Variants in G3BP2 observed in about 807,000 individuals in gnomAD.
G3BP2 encodes G3BP stress granule assembly factor 2, also known as ras GTPase-activating protein-binding protein 2.
Under a neutral mutation model 56.7 loss-of-function variants are expected in G3BP2, and 11 were observed. The observed-to-expected ratio is 0.19, with a 90% CI of 0.12 to 0.32. The LOEUF (loss-of-function observed/expected upper bound fraction) is 0.32. Ranked by LOEUF, G3BP2 falls within the 10% of genes least tolerant of loss-of-function variation. The pLI, the probability that G3BP2 is intolerant of heterozygous loss-of-function variation, is 1.00. For synonymous variants in G3BP2, 165 were observed against 191.6 expected, an observed-to-expected ratio of 0.86 and a Z score of 1.15; for missense variants, 340 against 610.9, an observed-to-expected ratio of 0.56 and a Z score of 4.67.
In G3BP2 at chr4:75,657,747, G is replaced by A; in HGVS notation, c.178-17C>T. The A allele has an allele frequency of 2.6e-6, 4 of 1,544,558 alleles. No individual in the cohort carries two copies. The highest frequency in any genetic ancestry group is 3.6e-6 in the Non-Finnish European group (4 of 1,122,504). On this transcript the variant is annotated splice_polypyrimidine_tract_variant and intron_variant, in intron 3 of 11. Transcript: ENST00000359707. ...GTGTATATCCTTTATTAGGGAGGGAGGGAAAAATATAAACTCTGTGATACT... is the reference window on the plus strand; with the variant it reads ...GTGTATATCCTTTATTAGGGAGGGAAGGAAAAATATAAACTCTGTGATACT...
intron 6 of G3BP2, 118 bp from the exon 7 acceptor site, chr4:75,655,364 A>G: frequency 1.4e-6 from 1 of 732,530 alleles, no homozygotes; most frequent in South Asian, 1.7e-5. Context: ...TAGATCTACA[A>G]AGTATTCAAA....
chr4:75,660,230 G>A (rs763456254), intron 2 of G3BP2, among the ~76,000 whole-genome samples: 18 of 152,092 alleles, frequency 1.2e-4, no homozygotes, highest in Non-Finnish European at 2.2e-4. Flanking sequence ...CCAAATTTCA[G>A]ATATCAAAAG....
At chr4:75,715,977 A>G (rs565352662) in intron 3 of G3BP2, among the ~76,000 whole-genome samples, 459 of 152,256 alleles carry the variant, frequency 3.0e-3, no homozygotes, top group Non-Finnish European at 5.0e-3. Flanking sequence ...TGCTGCAATA[A>G]CCTATACAGA....
chr4:75,645,972 G>A (rs901940338), intron 11 of G3BP2, among the ~76,000 whole-genome samples: 10 of 151,924 alleles, frequency 6.6e-5, no homozygotes, highest in African/African-American at 1.7e-4. Context: ...CACCATGGCC[G>A]GCTATTTTTC....
chr4:75,694,464 C>T (rs1560416615), intron 3 of G3BP2, among the ~76,000 whole-genome samples: 1 of 152,186 alleles, frequency 6.6e-6, no homozygotes, highest in Non-Finnish European at 1.5e-5. Context: ...ATTAGCCGGG[C>T]GTGGTGGCGG....
At chr4:75,719,309 C>T (rs1373271168) in intron 3 of G3BP2, among the ~76,000 whole-genome samples, 1 of 139,636 alleles carries the variant, frequency 7.2e-6, no homozygotes, top group Admixed American at 7.4e-5. Context: ...GATCCCGCCA[C>T]TGCACTCCAG....
Position 75,709,419 on chromosome 4 carries a change from CAA to C in G3BP2, c.-25+11456_-25+11457del, listed in dbSNP as rs34603185. On this transcript the variant is annotated intron_variant, in intron 3 of 3. Transcript: ENST00000499709. Reference sequence around the variant, plus strand: ...TGGGCAACAGGGTGAGACTCCGTCTCAAAAAAAAAAAAAAAAAAAAAAACCTA... The same window carrying C: ...TGGGCAACAGGGTGAGACTCCGTCTCAAAAAAAAAAAAAAAAAAAAACCTA... Among the ~76,000 whole-genome samples, 14 of 47,400 alleles carry C rather than the reference CAA, an allele frequency of 3.0e-4. 1 individual carries two copies. Among genetic ancestry groups the C allele is most frequent in the African/African-American group, 1.2e-3 (14 of 11,508 alleles). 31.1% of individuals were successfully genotyped at this position (47,400 alleles called of 152,430 possible). A position where few individuals can be genotyped will look rare whatever the true frequency, so the allele number is the denominator to read the frequency against.
upstream of G3BP2, among the ~76,000 whole-genome samples, chr4:75,675,486 C>A (rs1339710567): frequency 6.6e-6 from 1 of 152,180 alleles, no homozygotes; most frequent in Non-Finnish European, 1.5e-5. Flanking sequence ...GCTCTAGGAG[C>A]CACACTTTAA....
chr4:75,650,244 G>T (rs1385436761), intron 8 of G3BP2, among the ~76,000 whole-genome samples: 3 of 151,686 alleles, frequency 2.0e-5, no homozygotes, highest in African/African-American at 7.3e-5. Context: ...AGACCAGCCT[G>T]ACTAACATGG....
upstream of G3BP2, chr4:75,673,416 G>A (rs944592223): frequency 1.6e-6 from 2 of 1,232,062 alleles, no homozygotes; most frequent in African/African-American, 1.6e-5. Flanking sequence ...CGGACGTCCC[G>A]CCCCCTTTGC....
Position 75,657,769 on chromosome 4 carries a change from T to C in G3BP2, c.178-39A>G, listed in dbSNP as rs774066453. On this transcript the variant is annotated intron_variant, in intron 3 of 11. Transcript: ENST00000359707. ...GGAGGGAAAAATATAAACTCTGTGA[T>C]ACTGCATTACCTACACAATAATATT... The C allele has an allele frequency of 8.8e-6, 11 of 1,243,070 alleles. No homozygotes were observed. The Middle Eastern group carries it at 9.6e-4, about 109-fold the overall frequency. 77.0% of individuals were successfully genotyped at this position (1,243,070 alleles called of 1,614,324 possible). A position where few individuals can be genotyped will look rare whatever the true frequency, so the allele number is the denominator to read the frequency against.
At chr4:75,704,833 G>A (rs9942164) in intron 3 of G3BP2, among the ~76,000 whole-genome samples, 131,981 of 151,914 alleles carry the variant, frequency 0.87, 57,356 homozygotes, top group East Asian at 0.91. Flanking sequence ...GGGTTTTGCC[G>A]TGTTGGCCAG....
At chr4:75,646,479 A>G in intron 10 of G3BP2, 23 bp from the exon 11 acceptor site, 1 of 1,268,628 alleles carries the variant, frequency 7.9e-7, no homozygotes, top group Non-Finnish European at 1.2e-6. Flanking sequence ...ACATTACATC[A>G]AGGGTTAAAT....
At chr4:75,661,106 T>C (rs17000737) in intron 2 of G3BP2, among the ~76,000 whole-genome samples, 3 of 152,148 alleles carry the variant, frequency 2.0e-5, no homozygotes, top group African/African-American at 4.8e-5. Flanking sequence ...AAATTGCATA[T>C]TGGAACCCAT....
chr4:75,679,546 AATAT>A (rs1228621380), intron 3 of G3BP2, among the ~76,000 whole-genome samples: 1 of 152,234 alleles, frequency 6.6e-6, no homozygotes, highest in Admixed American at 6.5e-5. Context: ...AAAATGTCAC[AATAT>A]GAATGACTGC....
intron 3 of G3BP2, 66 bp from the exon 4 acceptor site, chr4:75,657,796 C>G: frequency 1.0e-6 from 1 of 967,594 alleles, no homozygotes; most frequent in Non-Finnish European, 1.6e-6. Context: ...AATAATATTA[C>G]CTACCCTCAT....
chr4:75,660,290 T>TA (rs1398190504), intron 2 of G3BP2, among the ~76,000 whole-genome samples: 2 of 152,146 alleles, frequency 1.3e-5, no homozygotes, highest in Non-Finnish European at 2.9e-5. Context: ...TACATTGTCA[T>TA]AAAAAAATCT....
intron 3 of G3BP2, among the ~76,000 whole-genome samples, chr4:75,690,880 A>C (rs1578432586): frequency 6.6e-6 from 1 of 151,796 alleles, no homozygotes; most frequent in African/African-American, 2.4e-5. Context: ...AATGTTCTAA[A>C]ATTGAATGTG....
At chr4:75,670,406 A>G (rs964259720) in intron 1 of G3BP2, 6 of 152,216 alleles carry the variant, frequency 3.9e-5, no homozygotes, top group African/African-American at 1.4e-4. Flanking sequence ...ACACCATTGA[A>G]TGAAAGCTTC....
Sources: gnomAD v4.1 joint callset for allele counts (sites outside exome capture counted in the v4.1 genomes callset) on GRCh38, gnomAD v4.1.1 for gene constraint, MANE v1.5 for transcripts, NCBI Gene and HGNC (gene_info 2026-07-23, HGNC 2026-07-21) for gene names.